Variants in TAOK3 observed in about 807,000 individuals in gnomAD.
The protein encoded by TAOK3 is serine/threonine-protein kinase TAO3.
TAOK3 carries 40 observed loss-of-function variants against 120.4 expected under a neutral mutation model. The observed-to-expected ratio is 0.33, with a 90% confidence interval of 0.26 to 0.43. The LOEUF is 0.43. Among genes scored for constraint, TAOK3 ranks in the 20% least tolerant of loss-of-function variants. The pLI, the probability that TAOK3 is intolerant of heterozygous loss-of-function variation, is 1.00. For missense variants in TAOK3, 821 were observed against 1,112.1 expected, an observed-to-expected ratio of 0.74 and a Z score of 3.72; for synonymous variants, 355 against 387.5, an observed-to-expected ratio of 0.92 and a Z score of 0.99.
In TAOK3 at chr12:118,160,133, C is replaced by T. The variant is rs1257030444; in HGVS notation, c.2352+13G>A. 6.2e-7 allele frequency: 1 copy of T among 1,608,702 alleles called. No homozygotes were observed. Among genetic ancestry groups the T allele is most frequent in the African/African-American group, 1.3e-5 (1 of 74,918 alleles). On this transcript the variant is annotated intron_variant, in intron 19 of 20. Coordinates refer to ENST00000392533, the MANE Select transcript of TAOK3 (RefSeq NM_016281.4). The surrounding 1 kb of genome is among the most constrained non-coding windows in gnomAD (Gnocchi z 4.2). Reference sequence around the variant, plus strand: ...AAGCTCTCGAAGCCGTGGCACCAAACCTAACCACTTACCGCTTGAGAGGCC... The same window carrying T: ...AAGCTCTCGAAGCCGTGGCACCAAATCTAACCACTTACCGCTTGAGAGGCC...
In TAOK3 at chr12:118,152,359, C is replaced by A; in HGVS notation, c.2403G>T (p.Gln801His). The change falls in exon 20 of 21, where the codon CAG becomes CAT. Residue 801 changes from glutamine (Q) to histidine (H), a missense_variant. This residue lies in a region of TAOK3 where 354 missense variants were observed against 572.1 expected (regional missense o/e 0.62). Transcript: ENST00000392533. ...QEAECQALRL[Q>H]LQQEMELLNA... ...TGAGCAGCTCCATTTCCTGCTGGAG[C>A]TGTAGCCTCAAGGCCTGGCATTCTG... 6.2e-7 allele frequency: 1 copy of A among 1,614,018 alleles called. No homozygotes were observed.
intron 1 of TAOK3, among the ~76,000 whole-genome samples, chr12:118,299,837 A>C (rs1470101267): frequency 6.6e-6 from 1 of 151,492 alleles, no homozygotes; most frequent in Non-Finnish European, 1.5e-5. Context: ...TTTTTTTTTT[A>C]AACTTTGAGT....
intron 9 of TAOK3, among the ~76,000 whole-genome samples, chr12:118,230,071 CTG>C (rs1240216168): frequency 1.3e-5 from 2 of 152,126 alleles, no homozygotes; most frequent in African/African-American, 4.8e-5. Context: ...GATGAGGAAA[CTG>C]AGGCATTGGG....
intron 1 of TAOK3, among the ~76,000 whole-genome samples, chr12:118,340,892 A>G (rs2141119654): frequency 6.6e-6 from 1 of 152,174 alleles, no homozygotes; most frequent in East Asian, 1.9e-4. Flanking sequence ...GCAGTGAGCC[A>G]CGATTACACC....
intron 2 of TAOK3, among the ~76,000 whole-genome samples, chr12:118,260,291 C>T (rs1345882810): frequency 1.3e-5 from 2 of 151,910 alleles, no homozygotes; most frequent in Non-Finnish European, 2.9e-5. Context: ...ACTGTGCCTG[C>T]CTCTAACAAA....
At chr12:118,217,741 C>G (rs1467057513) in intron 9 of TAOK3, among the ~76,000 whole-genome samples, 1 of 137,744 alleles carries the variant, frequency 7.3e-6, no homozygotes, top group Non-Finnish European at 1.5e-5. Flanking sequence ...TATATATAGA[C>G]AGTTAATTTT....
rs556617656 is a variant in TAOK3 at position 118,225,747 on chromosome 12, C to T, written c.643+7927G>A. Among the ~76,000 whole-genome samples the T allele has an allele frequency of 1.3e-3, 199 of 152,202 alleles. 3 individuals are homozygous for T. In the Middle Eastern group the frequency reaches 0.014, roughly 10 times the overall value. ...ACCTCCTACTTTAAAAAAGTTATTT[C>T]CTTGTTTTTGACAAAATTGTATATA... On this transcript the variant is annotated intron_variant, in intron 9 of 20. Coordinates refer to ENST00000392533, the MANE Select transcript of TAOK3 (RefSeq NM_016281.4).
intron 12 of TAOK3, 48 bp from the exon 13 acceptor site, chr12:118,199,305 A>G (rs776889117): frequency 1.4e-6 from 2 of 1,449,346 alleles, no homozygotes; most frequent in Non-Finnish European, 1.9e-6. Flanking sequence ...GAAGATAAAG[A>G]GTCAATCCAT....
At chr12:118,257,968 C>T (rs535246758) in intron 2 of TAOK3, among the ~76,000 whole-genome samples, 1 of 151,988 alleles carries the variant, frequency 6.6e-6, no homozygotes, top group Non-Finnish European at 1.5e-5. Flanking sequence ...TATAAAGACA[C>T]AAATGATAAA....
intron 2 of TAOK3, among the ~76,000 whole-genome samples, chr12:118,259,581 A>C (rs2041137117): frequency 6.6e-6 from 1 of 152,130 alleles, no homozygotes; most frequent in South Asian, 2.1e-4. Flanking sequence ...AGAACATATA[A>C]ATGATGGTAT....
At chr12:118,286,613 G>A (rs529071483) in intron 1 of TAOK3, among the ~76,000 whole-genome samples, 5 of 151,228 alleles carry the variant, frequency 3.3e-5, no homozygotes, top group East Asian at 3.9e-4. Flanking sequence ...ACTTCTGCAC[G>A]GCTGGTGGGA....
At chr12:118,277,487 G>A (rs140418811) in intron 1 of TAOK3, among the ~76,000 whole-genome samples, 1,788 of 151,414 alleles carry the variant, frequency 0.012, 32 homozygotes, top group African/African-American at 0.041. Flanking sequence ...TTAAGACGGA[G>A]TCTTGCTCCG....
At chr12:118,358,255 CCAA>C (rs1410474361) in intron 1 of TAOK3, among the ~76,000 whole-genome samples, 1 of 152,130 alleles carries the variant, frequency 6.6e-6, no homozygotes, top group Non-Finnish European at 1.5e-5. Flanking sequence ...AACCGAATGG[CCAA>C]CATGTTTTAT....
chr12:118,267,137 G>A (rs1249256621), intron 1 of TAOK3, among the ~76,000 whole-genome samples: 1 of 152,138 alleles, frequency 6.6e-6, no homozygotes, highest in Non-Finnish European at 1.5e-5. Flanking sequence ...TAGACATGAT[G>A]ATTTGCATTG....
intron 1 of TAOK3, among the ~76,000 whole-genome samples, chr12:118,348,986 G>A (rs918393490): frequency 2.0e-4 from 31 of 151,632 alleles, no homozygotes; most frequent in Non-Finnish European, 3.7e-4. Context: ...CCTCCCAGGC[G>A]GTTCAAGCAA....
At chr12:118,168,597 T>C (rs753970434) in intron 17 of TAOK3, among the ~76,000 whole-genome samples, 1 of 152,180 alleles carries the variant, frequency 6.6e-6, no homozygotes, top group African/African-American at 2.4e-5. Context: ...ATAAAAAAGC[T>C]TTGAACATTT....
In TAOK3 at chr12:118,340,728, C is replaced by A. The variant is rs150772288; in HGVS notation, c.-194+31920G>T. Reference sequence around the variant, plus strand: ...ATTTTGAAACAAATCCTAAATAAATCATTTCATCTATAAATATTCAGAATG... The same window carrying A: ...ATTTTGAAACAAATCCTAAATAAATAATTTCATCTATAAATATTCAGAATG... On this transcript the variant is annotated intron_variant, in intron 1 of 20. Transcript: ENST00000392533. 8.1e-3 allele frequency among the ~76,000 whole-genome samples: 1,220 copies of A among 151,220 alleles called. 20 individuals are homozygous for A. Among genetic ancestry groups the A allele is most frequent in the African/African-American group, 0.028 (1,135 of 41,212 alleles).
At chr12:118,215,957 T>C (rs1439530173) in intron 9 of TAOK3, among the ~76,000 whole-genome samples, 1 of 152,080 alleles carries the variant, frequency 6.6e-6, no homozygotes, top group Non-Finnish European at 1.5e-5. Context: ...CCCAACACTT[T>C]GGGAGGCCGA....
intron 13 of TAOK3, 51 bp downstream of exon 13, chr12:118,199,000 T>A (rs770270205): frequency 1.3e-6 from 2 of 1,599,506 alleles, no homozygotes; most frequent in South Asian, 2.2e-5. Context: ...TTGAACTGGA[T>A]TCGCTATGAT....
Sources: gnomAD v4.1 joint callset for allele counts (sites outside exome capture counted in the v4.1 genomes callset) on GRCh38, gnomAD v4.1.1 for gene constraint, gnomAD v4.1.1 regional missense constraint, Gnocchi (gnomAD v3.1) non-coding constraint, MANE v1.5 for transcripts, NCBI Gene and HGNC (gene_info 2026-07-23, HGNC 2026-07-21) for gene names.